RBX1: variants seen among roughly 807,000 people sequenced by gnomAD.
The protein encoded by RBX1 is ring-box 1.
For synonymous variants in RBX1, 48 were observed against 47.9 expected, an observed-to-expected ratio of 1.00 and a Z score of -0.01; for missense variants, 46 against 141.4, an observed-to-expected ratio of 0.33 and a Z score of 3.42.
At position 40,953,620 on chromosome 22, in the gene RBX1, C is replaced by T. The variant is rs1489374998; in HGVS notation, c.144C>T (p.His48=). 1 of 1,607,060 alleles carries T rather than the reference C, an allele frequency of 6.2e-7. No homozygotes were observed. Among genetic ancestry groups the T allele is most frequent in the African/African-American group, 1.3e-5 (1 of 74,890 alleles). The part of the protein sequence containing the change: ...VVDNCAICRN[H]IMDLCIECQA... ...ATAACTGTGCCATCTGCAGGAACCA[C>T]ATTATGGATCTTTGTAAGTAATTGG... Residue 48 remains histidine, a synonymous_variant, in exon 2 of 5, where the codon CAC becomes CAT. Coordinates refer to ENST00000216225, the MANE Select transcript of RBX1 (RefSeq NM_014248.4).
At chr22:40,961,164 T>C (rs2058339199) in intron 2 of RBX1, among the ~76,000 whole-genome samples, 1 of 146,354 alleles carries the variant, frequency 6.8e-6, no homozygotes, top group East Asian at 2.1e-4. Context: ...CATGGTGCAC[T>C]GCAGCCTCAA....
At chr22:40,964,225 C>A in intron 3 of RBX1, 108 bp downstream of exon 3, 1 of 783,798 alleles carries the variant, frequency 1.3e-6, no homozygotes, top group Non-Finnish European at 2.2e-6. Flanking sequence ...GTCCACCTTT[C>A]TCCCAAAAGG....
chr22:40,960,271 G>A (rs1310424847), intron 2 of RBX1, among the ~76,000 whole-genome samples: 3 of 152,096 alleles, frequency 2.0e-5, no homozygotes, highest in African/African-American at 7.2e-5. Context: ...GAAGGAGGGA[G>A]GTCAGGTATG....
intron 2 of RBX1, among the ~76,000 whole-genome samples, chr22:40,957,327 A>G (rs947443662): frequency 4.0e-5 from 6 of 149,620 alleles, no homozygotes; most frequent in Non-Finnish European, 6.0e-5. Flanking sequence ...CCTGGACAAA[A>G]AGAGCAAAAC....
intron 3 of RBX1, chr22:40,966,173 T>G (rs527579221): frequency 6.6e-6 from 1 of 152,350 alleles, no homozygotes; most frequent in South Asian, 2.1e-4. Context: ...AGGCCTCAAA[T>G]GAGGTAATAC....
At chr22:40,962,062 G>A (rs1011077524) in intron 2 of RBX1, among the ~76,000 whole-genome samples, 1 of 152,014 alleles carries the variant, frequency 6.6e-6, no homozygotes, top group Non-Finnish European at 1.5e-5. Context: ...GGGATTGCAG[G>A]CGTGAGCCAC....
intron 2 of RBX1, among the ~76,000 whole-genome samples, chr22:40,959,024 G>A (rs1384442444): frequency 1.3e-5 from 2 of 152,160 alleles, no homozygotes; most frequent in African/African-American, 4.8e-5. Context: ...ATGTTGGCCA[G>A]TCTGGTCTCT....
chr22:40,972,172 G>T (rs950638230), intron 4 of RBX1, among the ~76,000 whole-genome samples: 33 of 152,164 alleles, frequency 2.2e-4, no homozygotes, highest in Non-Finnish European at 4.9e-4. Flanking sequence ...AACCACCAAT[G>T]ACTTTTCCCT....
chr22:40,964,470 G>T (rs1159428998), intron 3 of RBX1: 2 of 204,932 alleles, frequency 9.8e-6, no homozygotes, highest in African/African-American at 4.7e-5. Flanking sequence ...TAAAGACCAG[G>T]TGTCTAATGG....
At chr22:40,959,551 C>T (rs1417423941) in intron 2 of RBX1, among the ~76,000 whole-genome samples, 1 of 152,174 alleles carries the variant, frequency 6.6e-6, no homozygotes, top group Non-Finnish European at 1.5e-5. Flanking sequence ...TGGCTCACGC[C>T]TATAATCCCA....
chr22:40,972,234 G>A (rs2058371085), intron 4 of RBX1, among the ~76,000 whole-genome samples: 1 of 152,138 alleles, frequency 6.6e-6, no homozygotes, highest in Non-Finnish European at 1.5e-5. Context: ...AGGTGGGCAT[G>A]GTTGAGTCAG....
intron 3 of RBX1, among the ~76,000 whole-genome samples, chr22:40,965,250 C>G (rs761471194): frequency 3.5e-4 from 53 of 151,546 alleles, no homozygotes; most frequent in Admixed American, 5.9e-4. Flanking sequence ...TTGTAGTGAG[C>G]CGAGACCACA....
chr22:40,952,156 G>A (rs1310158333), intron 1 of RBX1, among the ~76,000 whole-genome samples: 1 of 152,192 alleles, frequency 6.6e-6, no homozygotes, highest in Non-Finnish European at 1.5e-5. Flanking sequence ...AAAGCATGGT[G>A]GAACTTGTTA....
chr22:40,955,291 G>A (rs2058322399), intron 2 of RBX1, among the ~76,000 whole-genome samples: 1 of 143,540 alleles, frequency 7.0e-6, no homozygotes, highest in African/African-American at 2.6e-5. Flanking sequence ...TTTCAGAGAC[G>A]GGATCTCGCT....
chr22:40,960,475 G>A (rs1020555612), intron 2 of RBX1, among the ~76,000 whole-genome samples: 5 of 152,156 alleles, frequency 3.3e-5, no homozygotes, highest in African/African-American at 9.7e-5. Context: ...GGACTCTACC[G>A]TGAAGGGAGC....
At chr22:40,968,085 C>CTTTTTTTTTT (rs938566744) in intron 4 of RBX1, among the ~76,000 whole-genome samples, 1 of 111,208 alleles carries the variant, frequency 9.0e-6, no homozygotes, top group Non-Finnish European at 1.8e-5. Flanking sequence ...GTTTCCCAAC[C>CTTTTTTTTTT]TTTTTTTTTT....
chr22:40,951,457 A>G lies in RBX1; in HGVS notation c.59A>G (p.Lys20Arg). Residue 20 changes from lysine (K) to arginine (R), a missense_variant, in exon 1 of 5, where the codon AAG (lysine) becomes AGG (arginine). Transcript: ENST00000216225. ...PSGTNSGAGK[K>R]RFEVKKWNAV... ...GGCACCAACAGCGGCGCGGGCAAGAAGCGCTTTGAAGTGAAAAAGGTTGGG... is the reference window on the plus strand; with the variant it reads ...GGCACCAACAGCGGCGCGGGCAAGAGGCGCTTTGAAGTGAAAAAGGTTGGG... 1 of 1,613,692 alleles carries G rather than the reference A, an allele frequency of 6.2e-7. No homozygotes were observed. The highest frequency in any genetic ancestry group is 8.5e-7 in the Non-Finnish European group (1 of 1,179,842).
chr22:40,958,155 T>G (rs1362527635), intron 2 of RBX1, among the ~76,000 whole-genome samples: 1 of 152,014 alleles, frequency 6.6e-6, no homozygotes. Flanking sequence ...AGATTGGGTC[T>G]TGCTGTGTTG....
intron 2 of RBX1, 116 bp from the exon 3 acceptor site, chr22:40,963,931 A>C: frequency 2.7e-6 from 2 of 738,744 alleles, no homozygotes; most frequent in South Asian, 3.1e-5. Flanking sequence ...TTCCTTTCCC[A>C]CATTCATTAA....
Sources: allele counts gnomAD v4.1 joint callset (sites outside exome capture counted in the v4.1 genomes callset), GRCh38; gene constraint gnomAD v4.1.1; transcripts MANE v1.5; gene names NCBI Gene and HGNC (gene_info 2026-07-23, HGNC 2026-07-21).